The following ZFHX3 variants were observed in gnomAD, a reference collection of about 807,000 sequenced individuals.
The protein encoded by ZFHX3 is zinc finger homeobox 3, also known as zinc finger homeobox protein 3.
In ZFHX3, 42 loss-of-function variants were observed where a neutral mutation model predicts 279.1. The observed-to-expected ratio is 0.15, with a 90% CI of 0.12 to 0.19. The LOEUF is 0.19. Among genes scored for constraint, ZFHX3 ranks in the 10% least tolerant of loss-of-function variants. The probability of loss-of-function intolerance (pLI) is 1.00; values close to 1 mark genes in which losing one functional copy is unlikely to be tolerated. For missense variants in ZFHX3, 4,981 were observed against 4,754.0 expected (o/e 1.05, Z -1.40); for synonymous variants, 2,293 against 1,957.8 (o/e 1.17, Z -4.52).
chr16:73,556,320 A>AG (rs1344139252), intron 2 of ZFHX3, among the ~76,000 whole-genome samples: 1 of 152,054 alleles, frequency 6.6e-6, no homozygotes, highest in Non-Finnish European at 1.5e-5. Context: ...AGGAGTGGGG[A>AG]GGGGGGTGGC....
At chr16:73,804,104 C>G (rs899416047) in intron 1 of ZFHX3, among the ~76,000 whole-genome samples, 21 of 152,152 alleles carry the variant, frequency 1.4e-4, no homozygotes, top group African/African-American at 4.3e-4. Flanking sequence ...CTCCAGTGAG[C>G]CGAGATTGTG....
At chr16:73,280,756 C>T (rs752634173) in intron 4 of ZFHX3, among the ~76,000 whole-genome samples, 9 of 151,782 alleles carry the variant, frequency 5.9e-5, no homozygotes, top group Non-Finnish European at 1.0e-4. Flanking sequence ...CCGAGGCAGG[C>T]GGATTACCTG....
At chr16:73,686,473 A>C (rs2053085283) in intron 1 of ZFHX3, among the ~76,000 whole-genome samples, 1 of 152,198 alleles carries the variant, frequency 6.6e-6, no homozygotes, top group African/African-American at 2.4e-5. Flanking sequence ...CACGTTTTGC[A>C]AAACTTGGAC....
At chr16:72,802,838 C>G (rs368726122) in intron 7 of ZFHX3, among the ~76,000 whole-genome samples, 2 of 152,188 alleles carry the variant, frequency 1.3e-5, no homozygotes, top group Non-Finnish European at 2.9e-5. Flanking sequence ...TCTTGAAGAG[C>G]CATAAACAAT....
intron 8 of ZFHX3, among the ~76,000 whole-genome samples, chr16:73,074,243 T>G (rs1176507546): frequency 6.6e-6 from 1 of 152,212 alleles, no homozygotes. Context: ...TCAGGCTCAC[T>G]TCCTCACGCG....
At position 73,045,643 on chromosome 16, in the gene ZFHX3, T is replaced by C. The variant is rs563107250; in HGVS notation, c.-50+2109A>G. Among the ~76,000 whole-genome samples the C allele has an allele frequency of 2.8e-3, 137 of 48,570 alleles. 1 individual carries two copies. Among genetic ancestry groups the C allele is most frequent in the African/African-American group, 0.019 (128 of 6,836 alleles). 31.9% of individuals were successfully genotyped at this position (48,570 alleles called of 152,430 possible). On this transcript the variant is annotated intron_variant, in intron 1 of 9. Coordinates refer to ENST00000268489, the MANE Select transcript of ZFHX3 (RefSeq NM_006885.4). ...TTGGGGAAGCAGCATGGATTTACAT[T>C]ATTATTATTATTATTATTATTATTA...
intron 1 of ZFHX3, among the ~76,000 whole-genome samples, chr16:73,757,683 GA>G (rs1170984674): frequency 6.6e-6 from 1 of 152,172 alleles, no homozygotes; most frequent in Non-Finnish European, 1.5e-5. Flanking sequence ...CATTTGTGAT[GA>G]AAATATGTAA....
intron 5 of ZFHX3, among the ~76,000 whole-genome samples, chr16:73,159,361 C>T (rs1967171209): frequency 6.6e-6 from 1 of 151,900 alleles, no homozygotes; most frequent in African/African-American, 2.4e-5. Flanking sequence ...CTCACAGACT[C>T]TGGTCTGGCC....
At position 73,285,682 on chromosome 16, in the gene ZFHX3, C is replaced by T. The variant is rs1184911997; in HGVS notation, c.-1193-28546G>A. ...TCAGGGAAATATATCCCAAGATGGG[C>T]GGAGCTTTCACATCTTACTCATATT... On this transcript the variant is annotated intron_variant, in intron 4 of 17. Transcript: ENST00000641206. Among the ~76,000 whole-genome samples, 6 of 152,296 alleles carry T rather than the reference C, an allele frequency of 3.9e-5. No individual in the cohort carries two copies. The East Asian group carries it at 7.7e-4, about 20-fold the overall frequency.
At chr16:73,169,812 C>T (rs1597199712) in intron 5 of ZFHX3, among the ~76,000 whole-genome samples, 1 of 152,292 alleles carries the variant, frequency 6.6e-6, no homozygotes, top group East Asian at 1.9e-4. Flanking sequence ...TTGCCTACCT[C>T]TAGTAATCCT....
At chr16:73,725,710 T>C (rs1356949621) in intron 1 of ZFHX3, among the ~76,000 whole-genome samples, 1 of 152,122 alleles carries the variant, frequency 6.6e-6, no homozygotes, top group African/African-American at 2.4e-5. Context: ...AGCAACTGTT[T>C]AGAACAACAT....
intron 1 of ZFHX3, among the ~76,000 whole-genome samples, chr16:73,714,294 C>T (rs149639429): frequency 1.3e-5 from 2 of 152,276 alleles, no homozygotes; most frequent in East Asian, 1.9e-4. Flanking sequence ...CGCTCTCCCC[C>T]ATCTTTAGGA....
At chr16:73,281,868 CA>C (rs770501742) in intron 4 of ZFHX3, among the ~76,000 whole-genome samples, 21 of 152,032 alleles carry the variant, frequency 1.4e-4, no homozygotes, top group Non-Finnish European at 2.5e-4. Context: ...TAAATATGAT[CA>C]GGGGTTACAG....
chr16:73,565,536 G>A (rs2020438984), intron 2 of ZFHX3, among the ~76,000 whole-genome samples: 1 of 152,114 alleles, frequency 6.6e-6, no homozygotes, highest in Admixed American at 6.5e-5. Context: ...GGTTTTCGGG[G>A]CACTTAATAG....
At chr16:72,869,950 G>A (rs1371968104) in intron 4 of ZFHX3, among the ~76,000 whole-genome samples, 1 of 152,126 alleles carries the variant, frequency 6.6e-6, no homozygotes, top group Non-Finnish European at 1.5e-5. Flanking sequence ...GAAAGAACAC[G>A]CTTTCTTTTT....
At chr16:72,869,266 G>C (rs1357406731) in intron 4 of ZFHX3, among the ~76,000 whole-genome samples, 1 of 152,162 alleles carries the variant, frequency 6.6e-6, no homozygotes, top group Admixed American at 6.5e-5. Context: ...TCCCTTCTGT[G>C]AGCTCTTGCA....
intron 4 of ZFHX3, among the ~76,000 whole-genome samples, chr16:72,859,501 G>A (rs1405667548): frequency 1.7e-4 from 26 of 152,234 alleles, no homozygotes; most frequent in Admixed American, 1.5e-3. Flanking sequence ...AAGTCTGGAA[G>A]AGATTCCCAA....
chr16:73,258,512 G>A lies in ZFHX3; in HGVS notation c.-1193-1376C>T, dbSNP rs150720172. Among the ~76,000 whole-genome samples the A allele has an allele frequency of 5.4e-3, 826 of 151,976 alleles. 13 individuals are homozygous for A. The highest frequency in any genetic ancestry group is 0.02 in the African/African-American group (808 of 41,430). On this transcript the variant is annotated intron_variant, in intron 4 of 17. Transcript: ENST00000641206. ...CTACAGGCGCCCACCACCACACCTG[G>A]CTAATTTTTTGTATTTTTAGTAGAG... is the stretch of plus-strand genomic sequence containing the variant.
intron 3 of ZFHX3, among the ~76,000 whole-genome samples, chr16:73,418,827 A>G (rs954277530): frequency 6.6e-6 from 1 of 152,220 alleles, no homozygotes; most frequent in Non-Finnish European, 1.5e-5. Context: ...GTACATATAT[A>G]TAAACAAAAT....
Sources: gnomAD v4.1 joint callset for allele counts (sites outside exome capture counted in the v4.1 genomes callset) on GRCh38, gnomAD v4.1.1 for gene constraint, MANE v1.5 for transcripts, NCBI Gene and HGNC (gene_info 2026-07-23, HGNC 2026-07-21) for gene names.